The following ST7L variants were observed in gnomAD, a reference collection of about 807,000 sequenced individuals.
The protein encoded by ST7L is suppression of tumorigenicity 7 like.
Under a neutral mutation model 72.5 loss-of-function variants are expected in ST7L, and 57 were observed. The observed-to-expected ratio is 0.79, with a 90% CI of 0.64 to 0.98. The LOEUF (loss-of-function observed/expected upper bound fraction) is 0.98, where lower values mean the gene tolerates loss of function less well. Ranked by LOEUF, ST7L falls within the 50% of genes least tolerant of loss-of-function variation. The pLI, the probability that ST7L is intolerant of heterozygous loss-of-function variation, is 0.00. For synonymous variants in ST7L, 221 were observed against 240.9 expected, an observed-to-expected ratio of 0.92 and a Z score of 0.77; for missense variants, 576 against 672.2, an observed-to-expected ratio of 0.86 and a Z score of 1.58.
intron 14 of ST7L, among the ~76,000 whole-genome samples, chr1:112,533,715 T>C (rs1330955648): frequency 1.3e-5 from 2 of 152,272 alleles, no homozygotes; most frequent in African/African-American, 4.8e-5. Flanking sequence ...GAATGTGGTG[T>C]TGCTATCATG....
At chr1:112,618,740 G>T in intron 1 of ST7L, 169 bp downstream of exon 1, 1 of 1,357,178 alleles carries the variant, frequency 7.4e-7, no homozygotes, top group Non-Finnish European at 9.8e-7. Context: ...CAGCAGGCTT[G>T]TCAATCAACT....
chr1:112,570,027 A>C (rs1661806766), intron 11 of ST7L, among the ~76,000 whole-genome samples: 1 of 151,972 alleles, frequency 6.6e-6, no homozygotes, highest in South Asian at 2.1e-4. Context: ...ATGATACCAG[A>C]ATGAATGAAA....
intron 14 of ST7L, among the ~76,000 whole-genome samples, chr1:112,532,095 G>A (rs1014825422): frequency 3.9e-5 from 6 of 152,242 alleles, no homozygotes; most frequent in Middle Eastern, 3.4e-3. Context: ...CCCTGGGCTC[G>A]CAATAAGGGC....
chr1:112,573,348 C>CAAA (rs35107656), intron 11 of ST7L, among the ~76,000 whole-genome samples: 69 of 69,470 alleles, frequency 9.9e-4, no homozygotes, highest in African/African-American at 1.5e-3. Context: ...AACTCCCTCT[C>CAAA]AAAAAAAAAA....
intron 13 of ST7L, among the ~76,000 whole-genome samples, chr1:112,544,303 C>T (rs557209216): frequency 6.6e-6 from 1 of 152,196 alleles, no homozygotes; most frequent in Non-Finnish European, 1.5e-5. Context: ...AGAGATTACA[C>T]CTAAGCTTCC....
chr1:112,586,447 A>G (rs939748659), intron 6 of ST7L, among the ~76,000 whole-genome samples: 9 of 152,178 alleles, frequency 5.9e-5, no homozygotes, highest in Admixed American at 2.0e-4. Flanking sequence ...GTCTCTAAAC[A>G]AAAACAAAAA....
downstream of ST7L, chr1:112,520,517 G>C: frequency 6.2e-7 from 1 of 1,613,016 alleles, no homozygotes; most frequent in South Asian, 1.1e-5. Flanking sequence ...TGAACACACA[G>C]ATACCTCACT....
chr1:112,556,305 A>G (rs1303289242), intron 11 of ST7L, among the ~76,000 whole-genome samples: 1 of 152,204 alleles, frequency 6.6e-6, no homozygotes, highest in African/African-American at 2.4e-5. Flanking sequence ...AAGATGTGAG[A>G]GTAGATATTT....
At chr1:112,586,311 T>A (rs1664863293) in intron 6 of ST7L, among the ~76,000 whole-genome samples, 1 of 152,040 alleles carries the variant, frequency 6.6e-6, no homozygotes, top group African/African-American at 2.4e-5. Context: ...TGTGGTTGTG[T>A]GCACCTGTAG....
At chr1:112,614,236 TTAAA>T (rs899051637) in intron 2 of ST7L, among the ~76,000 whole-genome samples, 143 of 111,416 alleles carry the variant, frequency 1.3e-3, no homozygotes, top group African/African-American at 4.6e-3. Context: ...GATAGTTTCT[TTAAA>T]ACAAACAAAC....
chr1:112,573,131 CTGAGGTTGGGAGTT>C (rs1662428182), intron 11 of ST7L, among the ~76,000 whole-genome samples: 1 of 151,884 alleles, frequency 6.6e-6, no homozygotes, highest in South Asian at 2.1e-4. Flanking sequence ...GGCTGATCAT[CTGAGGTTGGGAGTT>C]TGACACCAAC....
At chr1:112,547,464 AT>A (rs1657284007) in intron 13 of ST7L, among the ~76,000 whole-genome samples, 1 of 146,952 alleles carries the variant, frequency 6.8e-6, no homozygotes, top group African/African-American at 2.5e-5. Context: ...AAGTTCTGGG[AT>A]TACAGGCGTG....
intron 13 of ST7L, among the ~76,000 whole-genome samples, chr1:112,548,097 G>C (rs1180456681): frequency 8.6e-5 from 13 of 151,994 alleles, no homozygotes; most frequent in Admixed American, 8.5e-4. Context: ...GCTCACACTT[G>C]TAATCCTAGC....
intron 12 of ST7L, among the ~76,000 whole-genome samples, chr1:112,553,703 A>G (rs935886687): frequency 3.3e-5 from 5 of 152,180 alleles, no homozygotes; most frequent in African/African-American, 4.8e-5. Flanking sequence ...CTCATTTCCT[A>G]TATCACATTG....
intron 14 of ST7L, among the ~76,000 whole-genome samples, chr1:112,535,722 CAAA>C (rs879742619): frequency 8.1e-6 from 1 of 123,914 alleles, no homozygotes; most frequent in Admixed American, 8.2e-5. Context: ...GACTCTGTCT[CAAA>C]AAAAAAAAAA....
chr1:112,606,751 T>C (rs116300840), intron 3 of ST7L, among the ~76,000 whole-genome samples: 1,903 of 152,288 alleles, frequency 0.012, 37 homozygotes, highest in African/African-American at 0.043. Flanking sequence ...ACTAGAATGG[T>C]TGGGCTCTGG....
intron 9 of ST7L, among the ~76,000 whole-genome samples, chr1:112,579,821 T>C (rs1663803290): frequency 6.6e-6 from 1 of 152,300 alleles, no homozygotes; most frequent in South Asian, 2.1e-4. Context: ...CAGAAGCATA[T>C]CAACTTAGAT....
At chr1:112,523,268 A>G (rs561755757), downstream of ST7L, 1 of 152,324 alleles carries the variant, frequency 6.6e-6, no homozygotes, top group Non-Finnish European at 1.5e-5. Flanking sequence ...GCTCATAAAG[A>G]TGCAAGTTTT....
intron 11 of ST7L, among the ~76,000 whole-genome samples, chr1:112,564,010 C>T (rs74858614): frequency 0.018 from 2,812 of 152,206 alleles, 72 homozygotes; most frequent in East Asian, 0.093. Context: ...ACACAAAGAA[C>T]CAACTTATCT....
Sources: allele counts gnomAD v4.1 joint callset (sites outside exome capture counted in the v4.1 genomes callset), GRCh38; gene constraint gnomAD v4.1.1; transcripts MANE v1.5; gene names NCBI Gene and HGNC (gene_info 2026-07-23, HGNC 2026-07-21).